The following VAV3 variants were observed in gnomAD, a reference collection of about 807,000 sequenced individuals.
The protein encoded by VAV3 is vav guanine nucleotide exchange factor 3.
In VAV3, 94 loss-of-function variants were observed where a neutral mutation model predicts 131.2. The ratio of observed to expected loss-of-function variants is 0.72; its 90% CI spans 0.61 to 0.85. The LOEUF (loss-of-function observed/expected upper bound fraction) is 0.85. Among genes scored for constraint, VAV3 ranks in the 40% least tolerant of loss-of-function variants. VAV3 has a pLI of 0.00. For missense variants in VAV3, 939 were observed against 1,002.7 expected, an observed-to-expected ratio of 0.94 and a Z score of 0.86; for synonymous variants, 349 against 342.0, an observed-to-expected ratio of 1.02 and a Z score of -0.22.
chr1:107,582,417 T>A (rs923291400), intron 25 of VAV3, among the ~76,000 whole-genome samples: 5 of 152,094 alleles, frequency 3.3e-5, no homozygotes, highest in African/African-American at 9.7e-5. Context: ...ATATATATAT[T>A]TTTTATTATT....
At chr1:107,906,547 T>C (rs1389600785) in intron 1 of VAV3, among the ~76,000 whole-genome samples, 2 of 151,994 alleles carry the variant, frequency 1.3e-5, no homozygotes, top group Non-Finnish European at 2.9e-5. Context: ...GCACCTGTAG[T>C]CCCAGCTACT....
intron 25 of VAV3, among the ~76,000 whole-genome samples, chr1:107,582,266 A>C (rs1392291925): frequency 6.6e-6 from 1 of 152,134 alleles, no homozygotes; most frequent in Admixed American, 6.5e-5. Flanking sequence ...TAAATTTGTG[A>C]TCCTTACCCT....
chr1:107,764,862 A>C (rs1385658367), intron 9 of VAV3, among the ~76,000 whole-genome samples: 1 of 152,202 alleles, frequency 6.6e-6, no homozygotes, highest in Non-Finnish European at 1.5e-5. Context: ...GAGATAATGC[A>C]TGTAAAACAC....
At chr1:107,745,050 T>C (rs1463013107) in intron 15 of VAV3, among the ~76,000 whole-genome samples, 1 of 152,146 alleles carries the variant, frequency 6.6e-6, no homozygotes, top group Non-Finnish European at 1.5e-5. Flanking sequence ...ATCCATAGCT[T>C]CTTAACAAAA....
intron 20 of VAV3, 143 bp from the exon 21 acceptor site, chr1:107,617,775 G>T: frequency 3.4e-6 from 2 of 595,980 alleles, no homozygotes; most frequent in African/African-American, 1.9e-5. Flanking sequence ...AACTTACTGT[G>T]GATCAGAAAA....
At chr1:107,747,996 G>A (rs1292592710) in intron 15 of VAV3, among the ~76,000 whole-genome samples, 4 of 150,398 alleles carry the variant, frequency 2.7e-5, no homozygotes, top group African/African-American at 4.9e-5. Context: ...CTTTATAAGC[G>A]TAAATAGTTT....
chr1:107,668,765 T>A, intron 19 of VAV3: 8 of 984,128 alleles, frequency 8.1e-6, no homozygotes, highest in Non-Finnish European at 9.7e-6. Context: ...GGTGTTTCAG[T>A]ATGAATTTCT....
At chr1:107,792,636 A>T (rs954673292) in intron 2 of VAV3, among the ~76,000 whole-genome samples, 2 of 152,254 alleles carry the variant, frequency 1.3e-5, no homozygotes, top group Non-Finnish European at 2.9e-5. Flanking sequence ...TATGTAAAAT[A>T]AAATGTCAAA....
intron 2 of VAV3, among the ~76,000 whole-genome samples, chr1:107,803,972 C>A (rs550284659): frequency 6.6e-6 from 1 of 151,880 alleles, no homozygotes; most frequent in Non-Finnish European, 1.5e-5. Flanking sequence ...CTGAATTGAC[C>A]CCTTATATTA....
At chr1:107,906,301 C>A (rs551590023) in intron 1 of VAV3, among the ~76,000 whole-genome samples, 34 of 152,240 alleles carry the variant, frequency 2.2e-4, no homozygotes, top group African/African-American at 7.2e-4. Flanking sequence ...TTCATTCTGT[C>A]ACCCAGGCTG....
intron 15 of VAV3, among the ~76,000 whole-genome samples, chr1:107,712,546 C>T (rs1403507442): frequency 6.6e-6 from 1 of 152,032 alleles, no homozygotes; most frequent in Non-Finnish European, 1.5e-5. Context: ...TTGTATGGGA[C>T]TGATAACAAA....
intron 19 of VAV3, among the ~76,000 whole-genome samples, chr1:107,670,019 T>C (rs1355745159): frequency 1.3e-5 from 2 of 152,270 alleles, no homozygotes; most frequent in Non-Finnish European, 2.9e-5. Flanking sequence ...TTCAGTTTTC[T>C]ATCTTGATTA....
intron 2 of VAV3, among the ~76,000 whole-genome samples, chr1:107,838,808 G>A (rs561191720): frequency 6.6e-6 from 1 of 152,284 alleles, no homozygotes; most frequent in African/African-American, 2.4e-5. Context: ...CAGCATAGAT[G>A]GTGCTGGAGC....
intron 15 of VAV3, among the ~76,000 whole-genome samples, chr1:107,744,691 G>A (rs1433500765): frequency 6.6e-6 from 1 of 151,920 alleles, no homozygotes; most frequent in Non-Finnish European, 1.5e-5. Context: ...TTTTTACTCA[G>A]GTTTAACTTA....
chr1:107,817,768 T>C (rs1667622870), intron 2 of VAV3, among the ~76,000 whole-genome samples: 1 of 151,838 alleles, frequency 6.6e-6, no homozygotes, highest in Admixed American at 6.6e-5. Flanking sequence ...CAGTCAGAGC[T>C]AGCATAAACC....
At chr1:107,914,553 G>A (rs1672522181) in intron 1 of VAV3, among the ~76,000 whole-genome samples, 1 of 152,202 alleles carries the variant, frequency 6.6e-6, no homozygotes, top group Admixed American at 6.5e-5. Flanking sequence ...AAAGCAATCC[G>A]TAACCTGTCT....
chr1:107,697,002 A>G (rs1009156726), intron 17 of VAV3, among the ~76,000 whole-genome samples: 1 of 152,180 alleles, frequency 6.6e-6, no homozygotes, highest in African/African-American at 2.4e-5. Context: ...GCTGAGAAGC[A>G]GCTCATAAAG....
chr1:107,878,043 T>C (rs549317570), intron 1 of VAV3, among the ~76,000 whole-genome samples: 37 of 152,244 alleles, frequency 2.4e-4, no homozygotes, highest in African/African-American at 7.7e-4. Context: ...ATTTATTTTA[T>C]TTTTTTGAAT....
At chr1:107,602,949 G>A in intron 23 of VAV3, 98 bp downstream of exon 23, 1 of 846,020 alleles carries the variant, frequency 1.2e-6, no homozygotes, top group Non-Finnish European at 1.9e-6. Flanking sequence ...CCTTCAATTA[G>A]AACTTTGGTT....
Sources: allele counts gnomAD v4.1 joint callset (sites outside exome capture counted in the v4.1 genomes callset), GRCh38; gene constraint gnomAD v4.1.1; transcripts MANE v1.5; gene names NCBI Gene and HGNC (gene_info 2026-07-23, HGNC 2026-07-21).